ADGRL3: variants seen among roughly 807,000 people sequenced by gnomAD.
ADGRL3 encodes the protein adhesion G protein-coupled receptor L3.
A neutral mutation model predicts 153.5 loss-of-function variants in ADGRL3; 62 were observed. The observed-to-expected ratio is 0.40, with a 90% CI of 0.33 to 0.50. The LOEUF is 0.50. ADGRL3 is among the 20% of genes least tolerant of loss of function. The probability of loss-of-function intolerance (pLI) is 0.47; values close to 1 mark genes in which losing one functional copy is unlikely to be tolerated. For missense variants in ADGRL3, 1,641 were observed against 1,859.4 expected (o/e 0.88, Z 2.16); for synonymous variants, 710 against 672.5 (o/e 1.06, Z -0.86).
intron 21 of ADGRL3, among the ~76,000 whole-genome samples, chr4:62,014,546 C>T (rs900302827): frequency 4.6e-5 from 7 of 152,134 alleles, no homozygotes; most frequent in Non-Finnish European, 1.0e-4. Context: ...CATGCAGTCA[C>T]TTACAATCTT....
chr4:61,409,341 T>G (rs1431451068), intron 2 of ADGRL3, among the ~76,000 whole-genome samples: 27 of 104,220 alleles, frequency 2.6e-4, no homozygotes, highest in Non-Finnish European at 1.9e-5. Context: ...ATTAGACATA[T>G]ATAATAGATA....
At chr4:61,258,679 C>G (rs1042945507) in intron 1 of ADGRL3, among the ~76,000 whole-genome samples, 1 of 152,284 alleles carries the variant, frequency 6.6e-6, no homozygotes, top group African/African-American at 2.4e-5. Context: ...ATTGACACTT[C>G]TAAGGTGTTG....
At position 61,208,971 on chromosome 4, in the gene ADGRL3, TTACTAGA is replaced by T. The variant is rs1256498745; in HGVS notation, c.-240+7212_-240+7218del. Among the ~76,000 whole-genome samples the T allele has an allele frequency of 8.5e-5, 13 of 152,208 alleles. No homozygotes were observed. The East Asian group carries it at 2.5e-3, about 29-fold the overall frequency. On this transcript the variant is annotated intron_variant, in intron 1 of 26. Transcript: ENST00000683033. ...AAGAAGCTATACATTCCGATTACCTTTACTAGATACTAAAGTTTAATTGGAGAACTGT... is the reference window on the plus strand; with the variant it reads ...AAGAAGCTATACATTCCGATTACCTTTACTAAAGTTTAATTGGAGAACTGT...
At chr4:61,516,147 T>G (rs2098492877) in intron 3 of ADGRL3, among the ~76,000 whole-genome samples, 1 of 152,126 alleles carries the variant, frequency 6.6e-6, no homozygotes, top group South Asian at 2.1e-4. Context: ...CCATAAAACT[T>G]GTATTATTTT....
At chr4:61,371,864 A>G (rs939594638) in intron 1 of ADGRL3, among the ~76,000 whole-genome samples, 1 of 152,162 alleles carries the variant, frequency 6.6e-6, no homozygotes, top group African/African-American at 2.4e-5. Context: ...ACTTTCAGGT[A>G]CACCAAGCAG....
At chr4:61,556,325 TG>T (rs2148895540) in intron 4 of ADGRL3, among the ~76,000 whole-genome samples, 1 of 152,156 alleles carries the variant, frequency 6.6e-6, no homozygotes, top group South Asian at 2.1e-4. Context: ...GAAAGAACAC[TG>T]GCAGAAGGAA....
At chr4:61,822,801 T>C (rs1298435434) in intron 9 of ADGRL3, among the ~76,000 whole-genome samples, 2 of 152,100 alleles carry the variant, frequency 1.3e-5, no homozygotes, top group Non-Finnish European at 2.9e-5. Flanking sequence ...GAAAAAGAAT[T>C]TGTTCAAATT....
rs771732117 is a variant in ADGRL3 at position 61,280,107 on chromosome 4, C to CTTTTTTTTTTTT, written c.-240+78347_-240+78348insTTTTTTTTTTTT. On this transcript the variant is annotated intron_variant, in intron 1 of 26. Transcript: ENST00000683033. ...AAAGTATTTTCTTTTCTTTTCTTTT[C>CTTTTTTTTTTTT]TTTTTCTTTTTTTTTTTTTTGAGAC... 1.5e-4 allele frequency among the ~76,000 whole-genome samples: 14 copies of CTTTTTTTTTTTT among 94,668 alleles called. 1 individual carries two copies. The highest frequency in any genetic ancestry group is 3.1e-4 in the African/African-American group (8 of 26,174). 62.1% of individuals were successfully genotyped at this position (94,668 alleles called of 152,430 possible).
At chr4:62,010,462 T>C (rs1190627730) in intron 21 of ADGRL3, among the ~76,000 whole-genome samples, 1 of 152,188 alleles carries the variant, frequency 6.6e-6, no homozygotes, top group Non-Finnish European at 1.5e-5. Flanking sequence ...TTTCAGAAGC[T>C]AGTATGATGA....
intron 8 of ADGRL3, among the ~76,000 whole-genome samples, chr4:61,740,058 A>C (rs2151905999): frequency 6.6e-6 from 1 of 152,356 alleles, no homozygotes; most frequent in Middle Eastern, 3.4e-3. Flanking sequence ...CTTTGGACAC[A>C]GGTACCAAAA....
In ADGRL3 at chr4:61,201,203, A is replaced by C. The variant is rs1002560886; in HGVS notation, c.-802A>C. The C allele has an allele frequency of 5.9e-5, 9 of 152,196 alleles. No homozygotes were observed. The East Asian group carries it at 1.0e-3, about 17-fold the overall frequency. The allele number at this position is 152,196 out of a possible 1,614,324, so 9.4% of individuals were successfully genotyped here. ...GGGGGGTGGGGTGGGAGAACTGGAT[A>C]TAAAGATCGGCTGGGGGGATGGTGG... On this transcript the variant is annotated 5_prime_UTR_variant, in exon 1 of 27. Coordinates refer to ENST00000683033, the MANE Select transcript of ADGRL3 (RefSeq NM_001387552.1).
Position 62,014,522 on chromosome 4 carries a change from T to C in ADGRL3, c.3396-14333T>C, listed in dbSNP as rs184631027. The stretch of plus-strand genomic sequence containing the variant: ...TTATAATTTTTGTTGCCTAAATTCA[T>C]TACTTACTATATTCATGCAGTCACT... On this transcript the variant is annotated intron_variant, in intron 21 of 26. Transcript: ENST00000683033. Among the ~76,000 whole-genome samples, 247 of 152,268 alleles carry C rather than the reference T, an allele frequency of 1.6e-3. 2 individuals carry two copies. Among genetic ancestry groups the C allele is most frequent in the Non-Finnish European group, 4.0e-4 (27 of 68,018 alleles).
chr4:61,726,249 A>T (rs559741397), intron 6 of ADGRL3, among the ~76,000 whole-genome samples: 2 of 125,676 alleles, frequency 1.6e-5, no homozygotes, highest in East Asian at 5.0e-4. Context: ...CCCAGGTTGG[A>T]GTGCAGTGGC....
chr4:61,330,218 C>T (rs1332872510), intron 1 of ADGRL3, among the ~76,000 whole-genome samples: 1 of 152,096 alleles, frequency 6.6e-6, no homozygotes, highest in Non-Finnish European at 1.5e-5. Context: ...ATGGGATGCA[C>T]AGATAGCTGG....
intron 2 of ADGRL3, among the ~76,000 whole-genome samples, chr4:61,491,431 T>C (rs2098256600): frequency 6.6e-6 from 1 of 152,164 alleles, no homozygotes; most frequent in Admixed American, 6.6e-5. Flanking sequence ...TTGGTTACTA[T>C]GGACAGATAT....
intron 8 of ADGRL3, among the ~76,000 whole-genome samples, chr4:61,734,511 A>T (rs922314029): frequency 2.6e-4 from 40 of 152,196 alleles, no homozygotes; most frequent in Non-Finnish European, 7.4e-5. Flanking sequence ...AACAAGTGAA[A>T]GGGGAAGAGT....
intron 6 of ADGRL3, among the ~76,000 whole-genome samples, chr4:61,681,802 ATTATG>A (rs1561055422): frequency 6.6e-6 from 1 of 152,144 alleles, no homozygotes; most frequent in African/African-American, 2.4e-5. Context: ...TTTGGTTACT[ATTATG>A]TAAATAAATA....
intron 17 of ADGRL3, among the ~76,000 whole-genome samples, chr4:61,953,221 T>C (rs2098954040): frequency 6.6e-6 from 1 of 152,204 alleles, no homozygotes. Context: ...CTTCTAGTTG[T>C]CAGTTTCTAA....
intron 8 of ADGRL3, among the ~76,000 whole-genome samples, chr4:61,789,991 T>C (rs774922576): frequency 2.0e-5 from 3 of 152,222 alleles, no homozygotes; most frequent in African/African-American, 4.8e-5. Context: ...ATATTCTACC[T>C]AAATGAGAGT....
Sources: allele counts gnomAD v4.1 joint callset (sites outside exome capture counted in the v4.1 genomes callset), GRCh38; gene constraint gnomAD v4.1.1; transcripts MANE v1.5; gene names NCBI Gene and HGNC (gene_info 2026-07-23, HGNC 2026-07-21).